GABRB2: variants seen among roughly 807,000 people sequenced by gnomAD.
GABRB2 encodes gamma-aminobutyric acid type A receptor subunit beta2, also known as gamma-aminobutyric acid receptor subunit beta-2.
GABRB2 carries 16 observed loss-of-function variants against 54.7 expected under a neutral mutation model. The ratio of observed to expected loss-of-function variants is 0.29; its 90% CI spans 0.20 to 0.44. GABRB2 has a LOEUF of 0.44. Ranked by LOEUF, GABRB2 falls within the 20% of genes least tolerant of loss-of-function variation. The pLI is 1.00. For missense variants in GABRB2, 355 were observed against 644.0 expected, an observed-to-expected ratio of 0.55 and a Z score of 4.86; for synonymous variants, 244 against 233.8, an observed-to-expected ratio of 1.04 and a Z score of -0.40.
chr5:161,304,204 A>C (rs947569631), intron 9 of GABRB2, among the ~76,000 whole-genome samples: 7 of 152,178 alleles, frequency 4.6e-5, no homozygotes, highest in African/African-American at 7.2e-5. Context: ...AGGACATTTA[A>C]ATTCCAAACT....
At chr5:161,342,638 A>T (rs1172679470) in intron 5 of GABRB2, among the ~76,000 whole-genome samples, 2 of 152,096 alleles carry the variant, frequency 1.3e-5, no homozygotes, top group African/African-American at 4.8e-5. Flanking sequence ...TGGTATAATC[A>T]TTCCATAAAA....
chr5:161,332,165 CAAAAAA>C (rs5872708), intron 7 of GABRB2, among the ~76,000 whole-genome samples: 4 of 69,452 alleles, frequency 5.8e-5, no homozygotes, highest in East Asian at 8.7e-4. Context: ...GACTCCGTCT[CAAAAAA>C]AAAAAAAAAA....
At chr5:161,447,823 C>T (rs898359961) in intron 4 of GABRB2, among the ~76,000 whole-genome samples, 3 of 152,056 alleles carry the variant, frequency 2.0e-5, no homozygotes, top group African/African-American at 7.2e-5. Flanking sequence ...AATCTTCTAC[C>T]TATTTTTTTC....
At chr5:161,546,480 T>G (rs1480987292) in intron 1 of GABRB2, 67 bp from the exon 2 acceptor site, 5 of 1,571,216 alleles carry the variant, frequency 3.2e-6, no homozygotes, top group Non-Finnish European at 4.4e-6. Context: ...CAGCATCGGA[T>G]CCCTACTACA....
chr5:161,358,239 A>C (rs1754699007), intron 5 of GABRB2, among the ~76,000 whole-genome samples: 1 of 152,274 alleles, frequency 6.6e-6, no homozygotes, highest in South Asian at 2.1e-4. Context: ...GAACAGTTTC[A>C]ATTGCTCCTG....
intron 3 of GABRB2, among the ~76,000 whole-genome samples, chr5:161,529,708 T>C (rs534459064): frequency 3.1e-4 from 47 of 152,208 alleles, no homozygotes; most frequent in African/African-American, 1.1e-3. Context: ...CCCAATTGTA[T>C]GTCAAAGTTC....
At chr5:161,351,771 A>G (rs893318409) in intron 5 of GABRB2, among the ~76,000 whole-genome samples, 33 of 152,248 alleles carry the variant, frequency 2.2e-4, no homozygotes, top group South Asian at 1.9e-3. Flanking sequence ...GATAACCTAC[A>G]GAATAGGAGA....
chr5:161,441,363 T>A (rs1033598552), intron 4 of GABRB2, among the ~76,000 whole-genome samples: 23 of 152,116 alleles, frequency 1.5e-4, no homozygotes, highest in Admixed American at 1.3e-3. Flanking sequence ...ATTCTCAACA[T>A]CTCAGATCAT....
intron 3 of GABRB2, among the ~76,000 whole-genome samples, chr5:161,535,978 G>A (rs745816302): frequency 1.3e-5 from 2 of 152,070 alleles, no homozygotes; most frequent in African/African-American, 2.4e-5. Context: ...CTTGTACCAG[G>A]TGATGTCTCT....
chr5:161,320,094 A>T (rs1033242091), intron 9 of GABRB2, among the ~76,000 whole-genome samples: 6 of 151,196 alleles, frequency 4.0e-5, no homozygotes, highest in Non-Finnish European at 7.4e-5. Flanking sequence ...TCTTTATTTT[A>T]CTTGTGGGTT....
chr5:161,461,881 T>C (rs1758127261), intron 3 of GABRB2, among the ~76,000 whole-genome samples: 1 of 152,192 alleles, frequency 6.6e-6, no homozygotes, highest in South Asian at 2.1e-4. Context: ...CATAATTTTG[T>C]GTATAAGACA....
chr5:161,323,916 A>G (rs1202110815), intron 9 of GABRB2, among the ~76,000 whole-genome samples: 1 of 152,226 alleles, frequency 6.6e-6, no homozygotes. Flanking sequence ...TTAGAGTCAT[A>G]TAACTTTGAA....
chr5:161,478,700 T>C (rs1267736262), intron 3 of GABRB2, among the ~76,000 whole-genome samples: 2 of 152,036 alleles, frequency 1.3e-5, no homozygotes, highest in Admixed American at 6.6e-5. Context: ...CAATGCATAC[T>C]ACATCATACA....
In GABRB2 at chr5:161,351,502, A is replaced by C. The variant is rs536026017; in HGVS notation, c.542-14733T>G. 2.0e-5 allele frequency among the ~76,000 whole-genome samples: 3 copies of C among 152,280 alleles called. No homozygotes were observed. In the East Asian group the frequency reaches 5.8e-4, roughly 29 times the overall value. ...GAACAACCAGTTATGCATATGCAGA[A>C]GAATGAAATTAAAACCCTTGTTCCA... On this transcript the variant is annotated intron_variant, in intron 5 of 9. Coordinates refer to ENST00000393959, the MANE Select transcript of GABRB2 (RefSeq NM_001371727.1).
At chr5:161,376,504 T>TA (rs1755303752) in intron 5 of GABRB2, among the ~76,000 whole-genome samples, 2 of 151,872 alleles carry the variant, frequency 1.3e-5, no homozygotes, top group Non-Finnish European at 2.9e-5. Flanking sequence ...GGAAAGATAA[T>TA]AAAAAAAGAT....
intron 4 of GABRB2, among the ~76,000 whole-genome samples, chr5:161,416,555 A>AT (rs201744906): frequency 1.6e-4 from 24 of 151,422 alleles, no homozygotes; most frequent in South Asian, 6.3e-4. Flanking sequence ...AAAAAAAAAA[A>AT]TTAAACATCT....
intron 3 of GABRB2, among the ~76,000 whole-genome samples, chr5:161,463,554 TTTATATATATATATA>T (rs1561659474): frequency 4.1e-4 from 9 of 22,066 alleles, no homozygotes; most frequent in African/African-American, 1.2e-3. Flanking sequence ...AATATTTTTA[TTTATATATATATATA>T]TATATATATA....
intron 3 of GABRB2, among the ~76,000 whole-genome samples, chr5:161,523,650 A>G (rs989840358): frequency 1.3e-5 from 2 of 151,580 alleles, no homozygotes; most frequent in Non-Finnish European, 3.0e-5. Flanking sequence ...CCCTAGCCAT[A>G]ATTTCAGTGT....
At chr5:161,430,706 G>A (rs1171620598) in intron 4 of GABRB2, among the ~76,000 whole-genome samples, 2 of 152,090 alleles carry the variant, frequency 1.3e-5, no homozygotes, top group East Asian at 3.9e-4. Flanking sequence ...ATTGAATTAA[G>A]GATCAGGAAA....
Sources: gnomAD v4.1 joint callset for allele counts (sites outside exome capture counted in the v4.1 genomes callset) on GRCh38, gnomAD v4.1.1 for gene constraint, MANE v1.5 for transcripts, NCBI Gene and HGNC (gene_info 2026-07-23, HGNC 2026-07-21) for gene names.